ASPH: variants seen among roughly 807,000 people sequenced by gnomAD.
The protein encoded by ASPH is aspartyl/asparaginyl beta-hydroxylase.
ASPH carries 100 observed loss-of-function variants against 118.4 expected under a neutral mutation model. The ratio of observed to expected loss-of-function variants is 0.84; its 90% CI spans 0.72 to 1.00. ASPH has a LOEUF of 1.00. ASPH is among the 50% of genes least tolerant of loss of function. The pLI, the probability that ASPH is intolerant of heterozygous loss-of-function variation, is 0.00. For missense variants in ASPH, 920 were observed against 919.5 expected (o/e 1.00, Z -0.01); for synonymous variants, 315 against 325.6 (o/e 0.97, Z 0.35).
At chr8:61,665,789 A>T (rs1286395300) in intron 3 of ASPH, among the ~76,000 whole-genome samples, 1 of 152,158 alleles carries the variant, frequency 6.6e-6, no homozygotes, top group Non-Finnish European at 1.5e-5. Flanking sequence ...TCTCTATCAA[A>T]TATCAACTAT....
intron 16 of ASPH, 35 bp downstream of exon 16, chr8:61,576,737 A>C (rs779981253): frequency 6.4e-7 from 1 of 1,558,918 alleles, no homozygotes; most frequent in Non-Finnish European, 8.7e-7. Context: ...CATGAACATC[A>C]AAAAAGTGTC....
At chr8:61,651,763 GAACAT>G (rs1440786557) in intron 4 of ASPH, among the ~76,000 whole-genome samples, 1 of 152,182 alleles carries the variant, frequency 6.6e-6, no homozygotes, top group East Asian at 1.9e-4. Flanking sequence ...TTACAAAAGT[GAACAT>G]AAATGATGAC....
At chr8:61,667,255 C>A (rs928823203) in intron 3 of ASPH, among the ~76,000 whole-genome samples, 3 of 152,076 alleles carry the variant, frequency 2.0e-5, no homozygotes, top group Admixed American at 6.6e-5. Flanking sequence ...ATGCCTCTAC[C>A]CACAAAGAAT....
In ASPH at chr8:61,502,575, T is replaced by G. The variant is rs753410684; in HGVS notation, c.*784A>C. 9 of 152,232 alleles carry G rather than the reference T, an allele frequency of 5.9e-5. No individual in the cohort carries two copies. The highest frequency in any genetic ancestry group is 1.0e-4 in the Non-Finnish European group (7 of 68,042). The allele number at this position is 152,232 out of a possible 1,614,324, so 9.4% of individuals were successfully genotyped here. ...TCTAATAATTGGCATTAAAAAAATT[T>G]GCATCTGGGATTTTTATAACAATAT... On this transcript the variant is annotated 3_prime_UTR_variant, in exon 25 of 25. Transcript: ENST00000379454.
In ASPH at chr8:61,665,519, C is replaced by T. The variant is rs374924201; in HGVS notation, c.323-11859G>A. 3.2e-6 allele frequency: 5 copies of T among 1,569,434 alleles called. No individual in the cohort carries two copies. In the African/African-American group the frequency reaches 6.8e-5, roughly 21 times the overall value. The stretch of plus-strand genomic sequence containing the variant: ...ATCCTTTCGGACATCCTCTTTCTTC[C>T]CCTTTTTTCTCTCTTCATTCTTACT... On this transcript the variant is annotated intron_variant, in intron 3 of 24. Coordinates refer to ENST00000379454, the MANE Select transcript of ASPH (RefSeq NM_004318.4).
intron 1 of ASPH, among the ~76,000 whole-genome samples, chr8:61,709,597 A>C (rs1402567408): frequency 6.6e-6 from 1 of 152,222 alleles, no homozygotes; most frequent in African/African-American, 2.4e-5. Flanking sequence ...GGGTGTACAT[A>C]GGTTATATGT....
chr8:61,633,816 T>G lies in ASPH; in HGVS notation c.890-89A>C, dbSNP rs370525704. ...GCCAGATTTAAGTAATGATGATACT[T>G]TTCATAGATTTTTTAAACAATTCAA... On this transcript the variant is annotated intron_variant, in intron 12 of 24. Transcript: ENST00000379454. 106 of 860,744 alleles carry G rather than the reference T, an allele frequency of 1.2e-4. No individual in the cohort carries two copies. In the African/African-American group the frequency reaches 1.7e-3, roughly 13 times the overall value. The allele number at this position is 860,744 out of a possible 1,614,324, so 53.3% of individuals were successfully genotyped here. A position where few individuals can be genotyped will look rare whatever the true frequency, so the allele number is the denominator to read the frequency against.
At chr8:61,586,844 T>C (rs1205780257) in intron 14 of ASPH, among the ~76,000 whole-genome samples, 1 of 152,176 alleles carries the variant, frequency 6.6e-6, no homozygotes, top group Non-Finnish European at 1.5e-5. Flanking sequence ...GAACTTGAAG[T>C]TCAGTTTCAC....
intron 22 of ASPH, among the ~76,000 whole-genome samples, chr8:61,522,220 T>TA: frequency 6.6e-6 from 1 of 152,174 alleles, no homozygotes; most frequent in Non-Finnish European, 1.5e-5. Context: ...GCCAGTCCTT[T>TA]AAAAAAACAT....
intron 20 of ASPH, among the ~76,000 whole-genome samples, chr8:61,550,438 T>TACAACACACACACACAC (rs1208727854): frequency 5.5e-4 from 39 of 71,530 alleles, no homozygotes; most frequent in African/African-American, 1.8e-3. Flanking sequence ...TATGCACATG[T>TACAACACACACACACAC]ACATACACAC....
chr8:61,649,657 C>T (rs935907175), intron 5 of ASPH, among the ~76,000 whole-genome samples: 1 of 151,930 alleles, frequency 6.6e-6, no homozygotes, highest in Non-Finnish European at 1.5e-5. Context: ...CCTGCCCACC[C>T]CCCACCACCT....
At chr8:61,663,367 T>C in intron 3 of ASPH, 1 of 985,400 alleles carries the variant, frequency 1.0e-6, no homozygotes, top group Non-Finnish European at 1.2e-6. Flanking sequence ...CAACTGGAAT[T>C]ATCTCTCCCA....
At chr8:61,529,346 G>A (rs922957216) in intron 21 of ASPH, among the ~76,000 whole-genome samples, 1 of 152,196 alleles carries the variant, frequency 6.6e-6, no homozygotes, top group Non-Finnish European at 1.5e-5. Flanking sequence ...CACTTGCAAG[G>A]TGCTTAGAGA....
intron 1 of ASPH, among the ~76,000 whole-genome samples, chr8:61,698,320 CT>C (rs1834416895): frequency 6.6e-6 from 1 of 152,226 alleles, no homozygotes; most frequent in African/African-American, 2.4e-5. Flanking sequence ...AATTCTGTGA[CT>C]GATACAAGGG....
Position 61,713,295 on chromosome 8 carries a change from A to G in ASPH, c.103+974T>C, listed in dbSNP as rs369170261. On this transcript the variant is annotated intron_variant, in intron 1 of 24. Transcript: ENST00000379454. ...TCTAGGAGCTGGGGATACAGAGAGA[A>G]TGAGCCAAAGACAACACACATGAAA... Among the ~76,000 whole-genome samples, 7 of 152,374 alleles carry G rather than the reference A, an allele frequency of 4.6e-5. No homozygotes were observed. In the East Asian group the frequency reaches 1.3e-3, roughly 29 times the overall value.
At chr8:61,598,542 T>C (rs1231807673) in intron 14 of ASPH, among the ~76,000 whole-genome samples, 1 of 152,198 alleles carries the variant, frequency 6.6e-6, no homozygotes, top group Non-Finnish European at 1.5e-5. Flanking sequence ...CAATAATAGT[T>C]GGCAAGTTCA....
intron 16 of ASPH, among the ~76,000 whole-genome samples, chr8:61,575,764 G>T (rs1179593586): frequency 6.6e-6 from 1 of 152,166 alleles, no homozygotes; most frequent in Admixed American, 6.5e-5. Flanking sequence ...ACAATTCTGA[G>T]CTGGCCAGTG....
At chr8:61,666,799 A>G (rs1179589185) in intron 3 of ASPH, among the ~76,000 whole-genome samples, 2 of 152,210 alleles carry the variant, frequency 1.3e-5, no homozygotes, top group Admixed American at 1.3e-4. Context: ...GATCATGCTG[A>G]GTCTTCATTC....
intron 14 of ASPH, among the ~76,000 whole-genome samples, chr8:61,594,121 T>G (rs1379551417): frequency 6.6e-6 from 1 of 152,138 alleles, no homozygotes; most frequent in Non-Finnish European, 1.5e-5. Flanking sequence ...ACATAAATGG[T>G]GCCAAACACT....
Sources: allele counts gnomAD v4.1 joint callset (sites outside exome capture counted in the v4.1 genomes callset), GRCh38; gene constraint gnomAD v4.1.1; transcripts MANE v1.5; gene names NCBI Gene and HGNC (gene_info 2026-07-23, HGNC 2026-07-21).